The following CCNY variants were observed in gnomAD, a reference collection of about 807,000 sequenced individuals.
CCNY encodes the protein cyclin-Y.
In CCNY, 19 loss-of-function variants were observed where a neutral mutation model predicts 42.8. The observed-to-expected ratio is 0.44, with a 90% CI of 0.31 to 0.65. The LOEUF (loss-of-function observed/expected upper bound fraction) is 0.65. Among genes scored for constraint, CCNY ranks in the 30% least tolerant of loss-of-function variants. The pLI, the probability that CCNY is intolerant of heterozygous loss-of-function variation, is 0.07. For missense variants in CCNY, 370 were observed against 437.3 expected, an observed-to-expected ratio of 0.85 and a Z score of 1.37; for synonymous variants, 165 against 162.7, an observed-to-expected ratio of 1.01 and a Z score of -0.11.
chr10:35,350,586 C>T (rs923202365), intron 1 of CCNY, among the ~76,000 whole-genome samples: 4 of 152,134 alleles, frequency 2.6e-5, no homozygotes, highest in South Asian at 2.1e-4. Flanking sequence ...CCTGGCCCCC[C>T]GAGGCAGGTG....
intron 7 of CCNY, among the ~76,000 whole-genome samples, chr10:35,545,865 C>CA (rs1841104278): frequency 6.6e-6 from 1 of 151,862 alleles, no homozygotes; most frequent in Non-Finnish European, 1.5e-5. Context: ...GCATCAGGTA[C>CA]AAAAAAGAAT....
At chr10:35,399,988 C>T (rs1383799932) in intron 1 of CCNY, among the ~76,000 whole-genome samples, 2 of 152,088 alleles carry the variant, frequency 1.3e-5, no homozygotes, top group African/African-American at 4.8e-5. Flanking sequence ...GGTATGTTCT[C>T]CAGTTTACAT....
intron 8 of CCNY, among the ~76,000 whole-genome samples, chr10:35,554,941 A>G (rs1258453684): frequency 6.6e-6 from 1 of 152,214 alleles, no homozygotes; most frequent in African/African-American, 2.4e-5. Flanking sequence ...TTAACCCACC[A>G]GGTTTAATTC....
At chr10:35,485,723 TCAAAAAAAAAAAAAAA>T (rs1301918889) in intron 2 of CCNY, among the ~76,000 whole-genome samples, 21 of 22,122 alleles carry the variant, frequency 9.5e-4, no homozygotes, top group African/African-American at 1.9e-3. Context: ...AGACTCCGTC[TCAAAAAAAAAAAAAAA>T]CAAAAAAAAA....
intron 1 of CCNY, among the ~76,000 whole-genome samples, chr10:35,359,631 A>G (rs778650841): frequency 2.0e-5 from 3 of 151,976 alleles, no homozygotes; most frequent in Non-Finnish European, 4.4e-5. Flanking sequence ...GTGATCCACC[A>G]CACCCATTTT....
chr10:35,365,743 T>C (rs370234836), intron 1 of CCNY, among the ~76,000 whole-genome samples: 1 of 152,238 alleles, frequency 6.6e-6, no homozygotes, highest in East Asian at 1.9e-4. Context: ...TAGAAACTTA[T>C]ATTATGGCTA....
At chr10:35,438,255 C>T (rs1838583444) in intron 1 of CCNY, among the ~76,000 whole-genome samples, 1 of 151,212 alleles carries the variant, frequency 6.6e-6, no homozygotes, top group African/African-American at 2.4e-5. Flanking sequence ...CTAAAGCTGT[C>T]CTCCCACCTC....
chr10:35,527,479 G>A (rs975448638), intron 5 of CCNY, among the ~76,000 whole-genome samples: 2 of 152,130 alleles, frequency 1.3e-5, no homozygotes, highest in East Asian at 3.8e-4. Flanking sequence ...GACTGCTCTG[G>A]TCAGTTCTTT....
At chr10:35,328,466 C>T (rs1835904134) in intron 3 of CCNY, among the ~76,000 whole-genome samples, 1 of 152,158 alleles carries the variant, frequency 6.6e-6, no homozygotes, top group Admixed American at 6.5e-5. Context: ...TAAAACGTAG[C>T]ATCATATACT....
In CCNY at chr10:35,379,071, G is replaced by A. The variant is rs548368571; in HGVS notation, c.154+41864G>A. On this transcript the variant is annotated intron_variant, in intron 1 of 9. Coordinates refer to ENST00000374704, the MANE Select transcript of CCNY (RefSeq NM_145012.6). ...GAAATGCTGTTGCCACTGTACAGAG[G>A]TGGGATGGACCCACACAAAGTTTGG... is the stretch of plus-strand genomic sequence containing the variant. Among the ~76,000 whole-genome samples the A allele has an allele frequency of 5.3e-5, 8 of 152,202 alleles. No individual in the cohort carries two copies. The South Asian group carries it at 8.3e-4, about 16-fold the overall frequency.
In CCNY at chr10:35,530,723, TATTC is replaced by T. The variant is rs1346566674; in HGVS notation, c.579+482_579+485del. 1.3e-5 allele frequency among the ~76,000 whole-genome samples: 2 copies of T among 152,200 alleles called. No individual in the cohort carries two copies. Among genetic ancestry groups the T allele is most frequent in the Admixed American group, 1.3e-4 (2 of 15,284 alleles). On this transcript the variant is annotated intron_variant, in intron 7 of 9. Coordinates refer to ENST00000374704, the MANE Select transcript of CCNY (RefSeq NM_145012.6). The surrounding 1 kb of genome is among the most constrained non-coding windows in gnomAD (Gnocchi z 4.3). ...CTTTTGAGTAAATGTGTCTGCAGGA[TATTC>T]AGAGACAGTATGGAGGTAACGTATA...
intron 7 of CCNY, among the ~76,000 whole-genome samples, chr10:35,543,434 T>C (rs910565741): frequency 3.3e-5 from 5 of 152,232 alleles, no homozygotes; most frequent in African/African-American, 1.2e-4. Flanking sequence ...CAGTCAACGA[T>C]GGACCACATA....
rs184607043 is a variant in CCNY at position 35,483,676 on chromosome 10, A to T, written c.229+198A>T. Among the ~76,000 whole-genome samples the T allele has an allele frequency of 1.1e-3, 172 of 152,256 alleles. 2 individuals carry two copies. The highest frequency in any genetic ancestry group is 8.8e-5 in the Non-Finnish European group (6 of 68,014). ...GTTTTTAGAATTTCCTATTTGAAGC[A>T]TCTATCCTCATTTTGTCAATCAGCT... On this transcript the variant is annotated intron_variant, in intron 2 of 9. Transcript: ENST00000374704.
intron 7 of CCNY, among the ~76,000 whole-genome samples, chr10:35,552,685 A>G (rs549757250): frequency 6.6e-6 from 1 of 152,360 alleles, no homozygotes; most frequent in Non-Finnish European, 1.5e-5. Context: ...TGTATTCTCT[A>G]TACATTCTCT....
chr10:35,505,265 C>G (rs1321949690), intron 3 of CCNY, among the ~76,000 whole-genome samples: 1 of 145,060 alleles, frequency 6.9e-6, no homozygotes, highest in African/African-American at 2.6e-5. Flanking sequence ...ATGGGTTATT[C>G]TAAGAAGTTA....
chr10:35,371,087 G>T (rs1836925966), intron 1 of CCNY, among the ~76,000 whole-genome samples: 1 of 152,190 alleles, frequency 6.6e-6, no homozygotes, highest in Non-Finnish European at 1.5e-5. Flanking sequence ...CTTTGAAATG[G>T]TTTTAAGAGG....
intron 3 of CCNY, among the ~76,000 whole-genome samples, chr10:35,260,972 ATGGTGG>A: frequency 6.6e-6 from 1 of 152,304 alleles, no homozygotes; most frequent in African/African-American, 2.4e-5. Context: ...TGAGCTGGGC[ATGGTGG>A]TGCACACCTG....
chr10:35,424,519 C>A (rs1838225341), intron 1 of CCNY, among the ~76,000 whole-genome samples: 1 of 152,280 alleles, frequency 6.6e-6, no homozygotes, highest in Non-Finnish European at 1.5e-5. Context: ...AGCCACCGCG[C>A]CCAGCCGTTA....
chr10:35,333,932 G>A (rs574157843), upstream of CCNY, among the ~76,000 whole-genome samples: 16 of 151,928 alleles, frequency 1.1e-4, no homozygotes, highest in Admixed American at 2.0e-4. Context: ...TTTAGTACCC[G>A]TCTTTTCTCT....
Sources: allele counts gnomAD v4.1 joint callset (sites outside exome capture counted in the v4.1 genomes callset), GRCh38; gene constraint gnomAD v4.1.1; non-coding constraint Gnocchi (gnomAD v3.1); transcripts MANE v1.5; gene names NCBI Gene and HGNC (gene_info 2026-07-23, HGNC 2026-07-21).